The following VPS8 variants were observed in gnomAD, a reference collection of about 807,000 sequenced individuals.
VPS8 encodes the protein VPS8 subunit of CORVET complex, also known as vacuolar protein sorting-associated protein 8 homolog.
VPS8 carries 129 observed loss-of-function variants against 216.4 expected under a neutral mutation model. That is an observed-to-expected ratio of 0.60 (90% confidence interval 0.52 to 0.69). VPS8 has a LOEUF of 0.69. VPS8 is among the 30% of genes least tolerant of loss of function. The pLI, the probability that VPS8 is intolerant of heterozygous loss-of-function variation, is 0.00. For missense variants in VPS8, 1,531 were observed against 1,683.5 expected (o/e 0.91, Z 1.59); for synonymous variants, 571 against 565.4 (o/e 1.01, Z -0.14).
At chr3:184,980,927 C>T (rs565955246) in intron 40 of VPS8, among the ~76,000 whole-genome samples, 5 of 152,250 alleles carry the variant, frequency 3.3e-5, no homozygotes, top group South Asian at 2.1e-4. Context: ...CTTTCTCATC[C>T]GTATAAGCTG....
intron 2 of VPS8, 70 bp downstream of exon 2, chr3:184,824,855 G>A: frequency 2.1e-6 from 3 of 1,433,780 alleles, no homozygotes; most frequent in Non-Finnish European, 2.9e-6. Flanking sequence ...TTGTGACCCA[G>A]AGACTCTAAG....
rs368637488 is a variant in VPS8, at chr3:184,992,741, A to G, written c.3586-1242A>G. ...ACTTGATATTAGAGAAAAGTAATAG[A>G]CTTGACTCATTTATTCACAGTTTTA... On this transcript the variant is annotated intron_variant, in intron 42 of 47. Transcript: ENST00000625842. Among the ~76,000 whole-genome samples the G allele has an allele frequency of 3.3e-5, 5 of 152,290 alleles. No homozygotes were observed. The East Asian group carries it at 7.7e-4, about 23-fold the overall frequency.
intron 37 of VPS8, among the ~76,000 whole-genome samples, chr3:184,959,545 G>GA (rs1454442122): frequency 1.3e-5 from 2 of 151,416 alleles, no homozygotes; most frequent in Non-Finnish European, 2.9e-5. Flanking sequence ...CACCACCCCA[G>GA]AAAAAAAATG....
chr3:184,911,005 G>A (rs186633922), intron 25 of VPS8, among the ~76,000 whole-genome samples: 1 of 152,288 alleles, frequency 6.6e-6, no homozygotes, highest in African/African-American at 2.4e-5. Flanking sequence ...TAGTAGCCCT[G>A]AACCTAATCT....
chr3:184,913,329 C>T (rs74747627), intron 25 of VPS8, among the ~76,000 whole-genome samples, 190 bp from the exon 26 acceptor site: 9,933 of 152,252 alleles, frequency 0.065, 444 homozygotes, highest in Non-Finnish European at 0.092. Context: ...GCTTATATTG[C>T]TCTTGTGTCT....
chr3:184,843,494 G>A (rs1722567085), intron 8 of VPS8, among the ~76,000 whole-genome samples: 1 of 151,954 alleles, frequency 6.6e-6, no homozygotes. Flanking sequence ...TTGATCTTTT[G>A]ATGTAGTCCC....
At chr3:184,912,839 C>T (rs1736809015) in intron 25 of VPS8, among the ~76,000 whole-genome samples, 1 of 152,210 alleles carries the variant, frequency 6.6e-6, no homozygotes, top group Non-Finnish European at 1.5e-5. Context: ...TCCAGCTCTT[C>T]ATTATTGCCA....
intron 29 of VPS8, 128 bp downstream of exon 29, chr3:184,920,326 G>A (rs373056018): frequency 2.2e-5 from 13 of 604,182 alleles, no homozygotes; most frequent in South Asian, 7.3e-5. Flanking sequence ...ATTTTATTAC[G>A]GTGTCTTTGT....
intron 44 of VPS8, among the ~76,000 whole-genome samples, chr3:184,999,106 G>A (rs942317634): frequency 3.3e-5 from 5 of 151,894 alleles, no homozygotes; most frequent in African/African-American, 7.3e-5. Context: ...TGCCCAGGCT[G>A]GAGTGCAGTG....
At chr3:184,829,377 CAA>C (rs1365870308) in intron 3 of VPS8, among the ~76,000 whole-genome samples, 5 of 152,046 alleles carry the variant, frequency 3.3e-5, no homozygotes, top group African/African-American at 1.2e-4. Context: ...CCATACGTGG[CAA>C]AGTTTTTTGT....
At chr3:185,027,293 A>G (rs1044594866) in intron 46 of VPS8, among the ~76,000 whole-genome samples, 1 of 136,350 alleles carries the variant, frequency 7.3e-6, no homozygotes, top group Non-Finnish European at 1.5e-5. Flanking sequence ...CCCAGGCTAG[A>G]GTGCAGCGGC....
At chr3:184,926,682 A>T (rs1739719588) in intron 31 of VPS8, 32 bp downstream of exon 31, 1 of 1,567,698 alleles carries the variant, frequency 6.4e-7, no homozygotes, top group African/African-American at 1.4e-5. Context: ...TTTGCTAAAA[A>T]ATAGGAAAGA....
chr3:184,854,965 T>A (rs1724974782), intron 13 of VPS8, among the ~76,000 whole-genome samples: 1 of 152,148 alleles, frequency 6.6e-6, no homozygotes, highest in African/African-American at 2.4e-5. Flanking sequence ...AAGCGTTCCC[T>A]ATGGTGAAGG....
chr3:184,887,791 G>T (rs1198414897), intron 22 of VPS8, among the ~76,000 whole-genome samples: 2 of 152,066 alleles, frequency 1.3e-5, no homozygotes, highest in Non-Finnish European at 2.9e-5. Context: ...GAAAAGGTTG[G>T]GTCATACTTT....
At chr3:184,838,454 T>A (rs1026602945) in intron 5 of VPS8, among the ~76,000 whole-genome samples, 2 of 152,188 alleles carry the variant, frequency 1.3e-5, no homozygotes, top group African/African-American at 4.8e-5. Context: ...ATTTCCATTA[T>A]AATCAGTACC....
rs189200774 is a variant in VPS8 at position 184,948,758 on chromosome 3, C to T, written c.3035+8515C>T. Among the ~76,000 whole-genome samples, 182 of 152,242 alleles carry T rather than the reference C, an allele frequency of 1.2e-3. 2 individuals carry two copies. Among genetic ancestry groups the T allele is most frequent in the African/African-American group, 4.1e-3 (169 of 41,544 alleles). Reference sequence around the variant, plus strand: ...ACCAGGCTAGTTATTCTAAGGGCTTCAATGGCCCCTTAAAGTTAACCTTAG... The same window carrying T: ...ACCAGGCTAGTTATTCTAAGGGCTTTAATGGCCCCTTAAAGTTAACCTTAG... On this transcript the variant is annotated intron_variant, in intron 36 of 47. Coordinates refer to ENST00000625842, the MANE Select transcript of VPS8 (RefSeq NM_001009921.3).
chr3:184,983,165 A>G, intron 42 of VPS8, 71 bp downstream of exon 42: 2 of 1,301,894 alleles, frequency 1.5e-6, no homozygotes, highest in South Asian at 3.4e-5. Context: ...ATAACAGTGA[A>G]TTGGGCTAAT....
intron 30 of VPS8, among the ~76,000 whole-genome samples, chr3:184,926,353 G>A (rs1039357796): frequency 1.1e-4 from 17 of 148,864 alleles, no homozygotes; most frequent in South Asian, 4.2e-4. Context: ...CTCCAGCCTG[G>A]GCGACAGAGT....
intron 39 of VPS8, among the ~76,000 whole-genome samples, chr3:184,967,654 A>G (rs902007449): frequency 6.6e-6 from 1 of 152,080 alleles, no homozygotes; most frequent in Non-Finnish European, 1.5e-5. Context: ...CCTGGCCAAC[A>G]TAGTGAACCC....
Sources: gnomAD v4.1 joint callset for allele counts (sites outside exome capture counted in the v4.1 genomes callset) on GRCh38, gnomAD v4.1.1 for gene constraint, MANE v1.5 for transcripts, NCBI Gene and HGNC (gene_info 2026-07-23, HGNC 2026-07-21) for gene names.